KIF2A: variants seen among roughly 807,000 people sequenced by gnomAD.
KIF2A encodes the protein kinesin-like protein KIF2A.
A neutral mutation model predicts 100.2 loss-of-function variants in KIF2A; 22 were observed. The ratio of observed to expected loss-of-function variants is 0.22; its 90% CI spans 0.16 to 0.31. The LOEUF is 0.31. KIF2A is among the 10% of genes least tolerant of loss of function. The probability of loss-of-function intolerance (pLI) is 1.00; values close to 1 mark genes in which losing one functional copy is unlikely to be tolerated. For missense variants in KIF2A, 495 were observed against 898.7 expected (o/e 0.55, Z 5.74); for synonymous variants, 268 against 285.9 (o/e 0.94, Z 0.63).
chr5:62,348,108 C>G lies in KIF2A; in HGVS notation c.220C>G (p.Pro74Ala), dbSNP rs779434615. 6 of 1,613,574 alleles carry G rather than the reference C, an allele frequency of 3.7e-6. No individual in the cohort carries two copies. The East Asian group carries it at 1.3e-4, about 36-fold the overall frequency. ...PDLVPDEEIE[P>A]SPETPPPPAS... ...CCTTGTTCCTGATGAAGAAATTGAA[C>G]CCAGTCCAGAAACACCTCCACCTCC... is the stretch of plus-strand genomic sequence containing the variant. The change falls in exon 3 of 21, where the codon CCC becomes GCC. Residue 74 changes from proline (P) to alanine (A), a missense_variant. Physicochemically the swap from Pro to Ala is conservative, Grantham distance 27 (BLOSUM62 -1). Around this residue, in one of 10 missense-constraint regions of KIF2A, gnomAD observed 115 missense variants for 143.6 expected, o/e 0.80. Coordinates refer to ENST00000407818, the MANE Select transcript of KIF2A (RefSeq NM_001098511.3).
chr5:62,333,863 A>G (rs1746780587), intron 1 of KIF2A, among the ~76,000 whole-genome samples: 1 of 152,056 alleles, frequency 6.6e-6, no homozygotes, highest in Admixed American at 6.5e-5. Context: ...ATACTTATTC[A>G]GGCCCCACAC....
At chr5:62,347,990 T>C in intron 2 of KIF2A, 58 bp from the exon 3 acceptor site, 2 of 1,556,750 alleles carry the variant, frequency 1.3e-6, no homozygotes, top group Non-Finnish European at 1.7e-6. Context: ...ACTTGAAAAG[T>C]AAAAGGTTAA....
intron 16 of KIF2A, among the ~76,000 whole-genome samples, chr5:62,367,759 A>G (rs1294267119): frequency 3.9e-5 from 6 of 152,204 alleles, no homozygotes; most frequent in Non-Finnish European, 8.8e-5. Flanking sequence ...TATTTGATCC[A>G]TAGATTTTTT....
chr5:62,390,948 A>G lies in KIF2A; in HGVS notation c.*5379A>G. The G allele has an allele frequency of 6.2e-7, 1 of 1,612,994 alleles. No homozygotes were observed. The highest frequency in any genetic ancestry group is 8.5e-7 in the Non-Finnish European group (1 of 1,179,908). On this transcript the variant is annotated 3_prime_UTR_variant, in exon 21 of 21. Transcript: ENST00000407818. ...ACCTGTGCTGGTTAGGATTTGCTGT[A>G]TTTTATCTGCTATGCTGAAATCTTC...
chr5:62,348,396 A>G (rs1580057097), intron 3 of KIF2A, among the ~76,000 whole-genome samples: 1 of 152,202 alleles, frequency 6.6e-6, no homozygotes, highest in East Asian at 1.9e-4. Context: ...TCACCTAATT[A>G]GTATTTTTCC....
chr5:62,308,871 T>C (rs1745433661), intron 1 of KIF2A, among the ~76,000 whole-genome samples: 1 of 151,798 alleles, frequency 6.6e-6, no homozygotes, highest in Admixed American at 6.6e-5. Context: ...AGTAAAATTG[T>C]ATTAGAGATT....
chr5:62,312,753 A>G (rs956077211), intron 1 of KIF2A, among the ~76,000 whole-genome samples: 4 of 152,216 alleles, frequency 2.6e-5, no homozygotes, highest in Non-Finnish European at 5.9e-5. Flanking sequence ...CAAGAGTAAT[A>G]TGAGTGAGGG....
chr5:62,331,762 G>GAA lies in KIF2A; in HGVS notation c.65-15356_65-15355dup, dbSNP rs11418837. ...GATTAGGGTAGTTAGAAATAGAAAC[G>GAA]AAAAAAAAAAAAACAACATAGAGTT... On this transcript the variant is annotated intron_variant, in intron 1 of 20. Transcript: ENST00000407818. Among the ~76,000 whole-genome samples the GAA allele has an allele frequency of 9.2e-3, 1,303 of 142,384 alleles. 18 individuals are homozygous for GAA. The highest frequency in any genetic ancestry group is 0.025 in the African/African-American group (969 of 38,808). The allele number at this position is 142,384 out of a possible 152,430, so 93.4% of individuals were successfully genotyped here.
chr5:62,331,977 T>C (rs1300528841), intron 1 of KIF2A, among the ~76,000 whole-genome samples: 1 of 152,222 alleles, frequency 6.6e-6, no homozygotes, highest in Non-Finnish European at 1.5e-5. Flanking sequence ...TTATTAGTAT[T>C]CTTGGCTGAC....
chr5:62,364,994 G>A (rs1265845066), intron 14 of KIF2A, among the ~76,000 whole-genome samples: 1 of 152,162 alleles, frequency 6.6e-6, no homozygotes, highest in African/African-American at 2.4e-5. Flanking sequence ...TTGGGAGGCT[G>A]GGGTAGGAGA....
At chr5:62,383,685 T>C (rs1296984426) in intron 20 of KIF2A, among the ~76,000 whole-genome samples, 2 of 152,224 alleles carry the variant, frequency 1.3e-5, no homozygotes, top group East Asian at 3.8e-4. Context: ...ATTGTTCATA[T>C]TCAACCCTTT....
chr5:62,381,723 C>T (rs1741779316), intron 20 of KIF2A, among the ~76,000 whole-genome samples: 1 of 152,212 alleles, frequency 6.6e-6, no homozygotes, highest in Admixed American at 6.5e-5. Flanking sequence ...AGCCACCACA[C>T]CCAGCTAATT....
At chr5:62,333,878 C>T (rs139336481) in intron 1 of KIF2A, among the ~76,000 whole-genome samples, 1 of 152,252 alleles carries the variant, frequency 6.6e-6, no homozygotes, top group African/African-American at 2.4e-5. Flanking sequence ...CCACACCTCC[C>T]AGCATCCTGC....
At chr5:62,364,011 A>T (rs1331397180) in intron 14 of KIF2A, 112 bp downstream of exon 14, 5 of 795,110 alleles carry the variant, frequency 6.3e-6, no homozygotes, top group Non-Finnish European at 8.0e-6. Flanking sequence ...GGTTTTCAAA[A>T]TTCAGATGCT....
intron 1 of KIF2A, among the ~76,000 whole-genome samples, chr5:62,336,535 T>G (rs998473786): frequency 6.6e-6 from 1 of 152,164 alleles, no homozygotes; most frequent in Non-Finnish European, 1.5e-5. Flanking sequence ...GAGAAACATT[T>G]CTAAATAACT....
chr5:62,326,789 A>T (rs1023947028), intron 1 of KIF2A, among the ~76,000 whole-genome samples: 2 of 152,058 alleles, frequency 1.3e-5, no homozygotes, highest in Admixed American at 1.3e-4. Context: ...TGAGCCCAGG[A>T]GTTTGAGACC....
At chr5:62,369,621 T>C (rs1023821172) in intron 16 of KIF2A, among the ~76,000 whole-genome samples, 12 of 152,324 alleles carry the variant, frequency 7.9e-5, no homozygotes, top group Admixed American at 7.8e-4. Flanking sequence ...GGAATAAAGA[T>C]TTTTAACCTT....
intron 1 of KIF2A, among the ~76,000 whole-genome samples, chr5:62,314,198 G>A (rs1302332052): frequency 6.6e-6 from 1 of 152,134 alleles, no homozygotes; most frequent in Admixed American, 6.5e-5. Flanking sequence ...TCGGTGTGGT[G>A]TCTCATGCCT....
At chr5:62,374,208 T>C (rs535830620) in intron 18 of KIF2A, among the ~76,000 whole-genome samples, 1 of 152,278 alleles carries the variant, frequency 6.6e-6, no homozygotes, top group South Asian at 2.1e-4. Context: ...CGAGACCTTG[T>C]CTCTTAAAAT....
Sources: gnomAD v4.1 joint callset for allele counts (sites outside exome capture counted in the v4.1 genomes callset) on GRCh38, gnomAD v4.1.1 for gene constraint, gnomAD v4.1.1 regional missense constraint, MANE v1.5 for transcripts, NCBI Gene and HGNC (gene_info 2026-07-23, HGNC 2026-07-21) for gene names.